The following EPHA6 variants were observed in gnomAD, a reference collection of about 807,000 sequenced individuals.
EPHA6 encodes the protein EPH receptor A6.
A neutral mutation model predicts 112.0 loss-of-function variants in EPHA6; 50 were observed. That is an observed-to-expected ratio of 0.45 (90% CI 0.36 to 0.56). The LOEUF is 0.56. EPHA6 is among the 20% of genes least tolerant of loss of function. The pLI is 0.00. For synonymous variants in EPHA6, 529 were observed against 490.7 expected, an observed-to-expected ratio of 1.08 and a Z score of -1.03; for missense variants, 1,280 against 1,417.4, an observed-to-expected ratio of 0.90 and a Z score of 1.56.
At chr3:97,410,391 C>A (rs1032854807) in intron 6 of EPHA6, among the ~76,000 whole-genome samples, 1 of 151,946 alleles carries the variant, frequency 6.6e-6, no homozygotes, top group Admixed American at 6.6e-5. Context: ...TTCTCATTTT[C>A]TTTTGTTGTA....
In EPHA6 at chr3:96,893,097, G is replaced by A. The variant is rs537228816; in HGVS notation, c.450+26208G>A. On this transcript the variant is annotated intron_variant, in intron 2 of 17. Coordinates refer to ENST00000389672, the MANE Select transcript of EPHA6 (RefSeq NM_001080448.3). ...AATTCCTCTTGCCTGTGACGTTGTA[G>A]CTATCATAACATCATAGCACAATGC... is the stretch of plus-strand genomic sequence containing the variant. 1.3e-4 allele frequency among the ~76,000 whole-genome samples: 20 copies of A among 152,074 alleles called. No homozygotes were observed. In the South Asian group the frequency reaches 2.3e-3, roughly 17 times the overall value.
intron 3 of EPHA6, among the ~76,000 whole-genome samples, chr3:97,112,829 A>T (rs1263462531): frequency 1.3e-5 from 2 of 152,100 alleles, no homozygotes; most frequent in Non-Finnish European, 2.9e-5. Context: ...AGCTAGTATC[A>T]CTGTCTCACC....
At chr3:97,628,532 G>T (rs1460526961) in intron 13 of EPHA6, among the ~76,000 whole-genome samples, 1 of 151,710 alleles carries the variant, frequency 6.6e-6, no homozygotes, top group East Asian at 1.9e-4. Flanking sequence ...TTTTCAGGTG[G>T]CTAAAAATAG....
At chr3:97,459,981 A>G (rs2090830981) in intron 7 of EPHA6, among the ~76,000 whole-genome samples, 1 of 152,224 alleles carries the variant, frequency 6.6e-6, no homozygotes, top group South Asian at 2.1e-4. Context: ...AGCCATCCCA[A>G]GTCAAACCTT....
At chr3:96,848,031 C>A (rs72931382) in intron 1 of EPHA6, among the ~76,000 whole-genome samples, 1,979 of 152,110 alleles carry the variant, frequency 0.013, 47 homozygotes, top group African/African-American at 0.044. Context: ...TTCATTCATT[C>A]TACATAGGCT....
At chr3:97,005,442 C>T (rs1268745342) in intron 3 of EPHA6, among the ~76,000 whole-genome samples, 2 of 152,130 alleles carry the variant, frequency 1.3e-5, no homozygotes, top group Non-Finnish European at 2.9e-5. Context: ...TAAAGGAATG[C>T]TTGTGAGTTT....
At chr3:97,066,945 C>T (rs535868551) in intron 3 of EPHA6, among the ~76,000 whole-genome samples, 71 of 152,014 alleles carry the variant, frequency 4.7e-4, no homozygotes, top group Admixed American at 7.2e-4. Flanking sequence ...AATATAGAGG[C>T]GGACTCCTAG....
intron 14 of EPHA6, among the ~76,000 whole-genome samples, chr3:97,647,480 C>A (rs1444808131): frequency 2.0e-5 from 3 of 151,840 alleles, no homozygotes; most frequent in African/African-American, 7.3e-5. Context: ...GTATTGTGGG[C>A]CAAGATAGAA....
At chr3:96,920,267 A>C (rs2039691040) in intron 2 of EPHA6, among the ~76,000 whole-genome samples, 1 of 151,512 alleles carries the variant, frequency 6.6e-6, no homozygotes, top group Non-Finnish European at 1.5e-5. Context: ...AGATCAAATT[A>C]ATTGATAGAA....
chr3:97,745,460 C>T, intron 16 of EPHA6: 1 of 425,366 alleles, frequency 2.4e-6, no homozygotes. Context: ...AGCTTAACAG[C>T]CTCCAAATAG....
At chr3:97,580,855 T>A (rs1311209759) in intron 11 of EPHA6, among the ~76,000 whole-genome samples, 1 of 152,234 alleles carries the variant, frequency 6.6e-6, no homozygotes, top group Non-Finnish European at 1.5e-5. Context: ...AACTGTATAA[T>A]GCCTGCCTCT....
At chr3:97,503,938 G>T (rs146990976) in intron 10 of EPHA6, among the ~76,000 whole-genome samples, 15 of 152,270 alleles carry the variant, frequency 9.9e-5, no homozygotes, top group African/African-American at 3.6e-4. Context: ...CCTCCAGAAT[G>T]CTGGGAAATG....
chr3:97,170,245 G>A (rs2076661377), intron 3 of EPHA6, among the ~76,000 whole-genome samples: 1 of 152,144 alleles, frequency 6.6e-6, no homozygotes, highest in Admixed American at 6.5e-5. Flanking sequence ...TGAAGGCAAT[G>A]AGCAAGTTAA....
At chr3:97,046,954 T>C (rs1460251215) in intron 3 of EPHA6, among the ~76,000 whole-genome samples, 2 of 152,152 alleles carry the variant, frequency 1.3e-5, no homozygotes, top group Non-Finnish European at 2.9e-5. Context: ...CTAATTCAGT[T>C]TAAAATTTTT....
At chr3:97,088,658 C>A (rs1239703086) in intron 3 of EPHA6, among the ~76,000 whole-genome samples, 1 of 152,150 alleles carries the variant, frequency 6.6e-6, no homozygotes. Context: ...GTCTTCTGTT[C>A]CTCCTCTTCT....
In EPHA6 at chr3:97,390,452, A is replaced by G. The variant is rs187786486; in HGVS notation, c.1607-14698A>G. On this transcript the variant is annotated intron_variant, in intron 5 of 17. Coordinates refer to ENST00000389672, the MANE Select transcript of EPHA6 (RefSeq NM_001080448.3). ...ATGTATATTCCAGAAGGAATTTCAT[A>G]TATATATATTATATATATACGCTGT... Among the ~76,000 whole-genome samples the G allele has an allele frequency of 6.3e-3, 955 of 151,410 alleles. 4 individuals are homozygous for G. The highest frequency in any genetic ancestry group is 0.014 in the Middle Eastern group (4 of 290).
chr3:97,710,331 A>G (rs181927273), intron 14 of EPHA6, among the ~76,000 whole-genome samples: 3 of 152,340 alleles, frequency 2.0e-5, no homozygotes, highest in East Asian at 1.9e-4. Context: ...AGCCTTTCTG[A>G]CAATGGTAAT....
intron 2 of EPHA6, among the ~76,000 whole-genome samples, chr3:96,937,770 G>C (rs951067970): frequency 6.6e-6 from 1 of 152,086 alleles, no homozygotes; most frequent in Non-Finnish European, 1.5e-5. Context: ...AATCCATCTT[G>C]AATTAATTTT....
At chr3:97,132,036 A>C (rs1350522407) in intron 3 of EPHA6, among the ~76,000 whole-genome samples, 2 of 152,232 alleles carry the variant, frequency 1.3e-5, no homozygotes, top group East Asian at 1.9e-4. Context: ...AGAATGATGT[A>C]ATATTACCCA....
Sources: gnomAD v4.1 joint callset for allele counts (sites outside exome capture counted in the v4.1 genomes callset) on GRCh38, gnomAD v4.1.1 for gene constraint, MANE v1.5 for transcripts, NCBI Gene and HGNC (gene_info 2026-07-23, HGNC 2026-07-21) for gene names.